Variants in KIF16B observed in about 807,000 individuals in gnomAD.
KIF16B encodes kinesin family member 16B, also known as kinesin-like protein KIF16B.
Under a neutral mutation model 156.3 loss-of-function variants are expected in KIF16B, and 98 were observed. That is an observed-to-expected ratio of 0.63 (90% CI 0.53 to 0.74). The LOEUF (loss-of-function observed/expected upper bound fraction) is 0.74, where lower values mean the gene tolerates loss of function less well. Among genes scored for constraint, KIF16B ranks in the 30% least tolerant of loss-of-function variants. The probability of loss-of-function intolerance (pLI) is 0.00; values close to 1 mark genes in which losing one functional copy is unlikely to be tolerated. For missense variants in KIF16B, 1,421 were observed against 1,606.5 expected, an observed-to-expected ratio of 0.88 and a Z score of 1.97; for synonymous variants, 564 against 583.7, an observed-to-expected ratio of 0.97 and a Z score of 0.49.
At chr20:16,335,625 G>A (rs1038731731) in intron 24 of KIF16B, among the ~76,000 whole-genome samples, 2 of 152,134 alleles carry the variant, frequency 1.3e-5, no homozygotes, top group African/African-American at 4.8e-5. Flanking sequence ...ATTAAAATAT[G>A]TATTTAAAAT....
rs1778395222 is a variant in KIF16B at position 16,413,405 on chromosome 20, A to C, written c.1613-6949T>G. ...AGTGATTCCTAAGGAATGCAGGGAC[A>C]ATAATCATTAATATCACCAATAATT... On this transcript the variant is annotated intron_variant, in intron 15 of 25. Transcript: ENST00000354981. Among the ~76,000 whole-genome samples the C allele has an allele frequency of 1.3e-5, 2 of 152,144 alleles. 1 individual carries two copies. The highest frequency in any genetic ancestry group is 4.1e-4 in the South Asian group (2 of 4,830).
intron 24 of KIF16B, among the ~76,000 whole-genome samples, chr20:16,329,317 A>G (rs561711307): frequency 2.6e-4 from 39 of 152,322 alleles, no homozygotes; most frequent in African/African-American, 9.1e-4. Flanking sequence ...CATGAACACC[A>G]GACAGAAACA....
chr20:16,406,955 G>A (rs2065801970), intron 15 of KIF16B, among the ~76,000 whole-genome samples: 1 of 152,200 alleles, frequency 6.6e-6, no homozygotes, highest in Non-Finnish European at 1.5e-5. Context: ...CTCAGAATTT[G>A]ACGGGAGAGA....
chr20:16,557,615 T>C (rs925439373), intron 1 of KIF16B, among the ~76,000 whole-genome samples: 3 of 152,184 alleles, frequency 2.0e-5, no homozygotes, highest in African/African-American at 7.2e-5. Context: ...CAATAATACA[T>C]CCAAGCTCAC....
At chr20:16,457,179 A>AGAGACCTGT (rs2067233581) in intron 12 of KIF16B, among the ~76,000 whole-genome samples, 1 of 152,148 alleles carries the variant, frequency 6.6e-6, no homozygotes, top group African/African-American at 2.4e-5. Context: ...GTCATAGTTT[A>AGAGACCTGT]CTTTAGAGAC....
At chr20:16,369,122 G>A (rs1470855011) in intron 22 of KIF16B, 2 of 985,654 alleles carry the variant, frequency 2.0e-6, no homozygotes, top group Non-Finnish European at 2.4e-6. Context: ...GTTGTTTTAG[G>A]GCCTGAGACG....
chr20:16,485,822 T>G (rs2068097116), intron 12 of KIF16B, among the ~76,000 whole-genome samples: 1 of 152,218 alleles, frequency 6.6e-6, no homozygotes. Context: ...AGTGTATGTG[T>G]GCAGACATGC....
At chr20:16,479,757 T>C (rs756121390) in intron 12 of KIF16B, among the ~76,000 whole-genome samples, 12 of 152,294 alleles carry the variant, frequency 7.9e-5, no homozygotes, top group African/African-American at 1.7e-4. Flanking sequence ...CTAGGAGCAA[T>C]AGGCCATACC....
chr20:16,505,992 A>G (rs774275850), intron 8 of KIF16B, 30 bp downstream of exon 8: 5 of 1,612,692 alleles, frequency 3.1e-6, no homozygotes, highest in Non-Finnish European at 4.2e-6. Context: ...AGGAGGAAAC[A>G]GAGGAGGCAG....
intron 17 of KIF16B, 51 bp downstream of exon 17, chr20:16,404,762 A>G (rs1600304350): frequency 3.6e-6 from 5 of 1,404,762 alleles, no homozygotes; most frequent in Non-Finnish European, 4.0e-6. Context: ...AGTTGGCACA[A>G]TAAATGCAAA....
chr20:16,542,501 A>G (rs183382944), intron 1 of KIF16B, among the ~76,000 whole-genome samples: 1 of 152,338 alleles, frequency 6.6e-6, no homozygotes, highest in African/African-American at 2.4e-5. Context: ...TATGTCATGG[A>G]AAAGGACTAA....
chr20:16,379,302 G>A lies in KIF16B; in HGVS notation c.2700C>T (p.Tyr900=). ...QDFEKIKPVE[Y]RLQYKERQLQ... is the part of the protein sequence containing the mutation. Reference sequence around the variant, plus strand: ...GCTGGCGTTCTTTATATTGCAGCCTGTACTCCACTGGCTTTATTTTCTCGA... The same window carrying A: ...GCTGGCGTTCTTTATATTGCAGCCTATACTCCACTGGCTTTATTTTCTCGA... Residue 900 remains tyrosine (Y), a synonymous_variant, in exon 19 of 26, where the codon TAC becomes TAT. Coordinates refer to ENST00000354981, the MANE Select transcript of KIF16B (RefSeq NM_024704.5). 6.2e-7 allele frequency: 1 copy of A among 1,612,184 alleles called. No individual in the cohort carries two copies. The highest frequency in any genetic ancestry group is 8.5e-7 in the Non-Finnish European group (1 of 1,179,496).
chr20:16,378,688 A>T (rs1166903791), intron 19 of KIF16B, 117 bp downstream of exon 19: 74 of 1,089,834 alleles, frequency 6.8e-5, no homozygotes, highest in Non-Finnish European at 6.5e-6. Context: ...GTATTAAAGA[A>T]TATGAAGGCT....
rs2069527883 is a variant in KIF16B at position 16,526,037 on chromosome 20, T to C, written c.231+55A>G. On this transcript the variant is annotated intron_variant, in intron 3 of 25. Transcript: ENST00000354981. Reference sequence around the variant, plus strand: ...ATTTTAAAGTATTTTAGGGTAGGCATGTTTTTCTCAATGTGAAAATAAATC... The same window carrying C: ...ATTTTAAAGTATTTTAGGGTAGGCACGTTTTTCTCAATGTGAAAATAAATC... 6.0e-6 allele frequency: 6 copies of C among 999,442 alleles called. No homozygotes were observed. In the Middle Eastern group the frequency reaches 8.8e-4, roughly 146 times the overall value. The allele number at this position is 999,442 out of a possible 1,614,324, so 61.9% of individuals were successfully genotyped here.
chr20:16,549,307 T>A (rs2070545632), intron 1 of KIF16B, among the ~76,000 whole-genome samples: 1 of 151,918 alleles, frequency 6.6e-6, no homozygotes, highest in African/African-American at 2.4e-5. Flanking sequence ...TTTTCGATCT[T>A]GCGATAGTTT....
intron 25 of KIF16B, among the ~76,000 whole-genome samples, chr20:16,279,785 C>A (rs931492875): frequency 6.6e-6 from 1 of 152,180 alleles, no homozygotes; most frequent in Admixed American, 6.5e-5. Context: ...ATTTCCAATG[C>A]CATTTCAAAA....
At chr20:16,565,805 G>GA (rs2071231867) in intron 1 of KIF16B, among the ~76,000 whole-genome samples, 1 of 152,160 alleles carries the variant, frequency 6.6e-6, no homozygotes, top group Non-Finnish European at 1.5e-5. Flanking sequence ...CCCGCGTAGG[G>GA]CCAGCATCAC....
intron 16 of KIF16B, among the ~76,000 whole-genome samples, chr20:16,405,722 G>A (rs1026984574): frequency 1.1e-4 from 16 of 152,118 alleles, no homozygotes; most frequent in Non-Finnish European, 1.3e-4. Context: ...ATTAACGGCT[G>A]CTGCACAGAT....
At chr20:16,462,752 T>TA (rs1291242442) in intron 12 of KIF16B, among the ~76,000 whole-genome samples, 1 of 152,256 alleles carries the variant, frequency 6.6e-6, no homozygotes, top group East Asian at 1.9e-4. Context: ...AAAACGAGCC[T>TA]AAAAAAATCG....
Sources: gnomAD v4.1 joint callset for allele counts (sites outside exome capture counted in the v4.1 genomes callset) on GRCh38, gnomAD v4.1.1 for gene constraint, MANE v1.5 for transcripts, NCBI Gene and HGNC (gene_info 2026-07-23, HGNC 2026-07-21) for gene names.